The following UBIAD1 variants were observed in gnomAD, a reference collection of about 807,000 sequenced individuals.
UBIAD1 encodes UbiA prenyltransferase domain containing 1.
Under a neutral mutation model 20.1 loss-of-function variants are expected in UBIAD1, and 12 were observed. The ratio of observed to expected loss-of-function variants is 0.60; its 90% CI spans 0.38 to 0.97. The LOEUF is 0.97. UBIAD1 is among the 50% of genes least tolerant of loss of function. The probability of loss-of-function intolerance (pLI) is 0.00; values close to 1 mark genes in which losing one functional copy is unlikely to be tolerated. For missense variants in UBIAD1, 333 were observed against 419.5 expected, an observed-to-expected ratio of 0.79 and a Z score of 1.80; for synonymous variants, 207 against 189.2, an observed-to-expected ratio of 1.09 and a Z score of -0.77.
Position 11,273,302 on chromosome 1 carries a change from C to T in UBIAD1, c.-230C>T. On this transcript the variant is annotated 5_prime_UTR_variant, in exon 1 of 2. Transcript: ENST00000376810. The surrounding 1 kb of genome is among the most constrained non-coding windows in gnomAD (Gnocchi z 4.9). ...TGGGCTCTAACGCGGGGCTGGGGGCCGGAGACAGACTTCGCCCAGGTGACG... is the reference window on the plus strand; with the variant it reads ...TGGGCTCTAACGCGGGGCTGGGGGCTGGAGACAGACTTCGCCCAGGTGACG... 1 of 584,782 alleles carries T rather than the reference C, an allele frequency of 1.7e-6. No individual in the cohort carries two copies. 36.2% of individuals were successfully genotyped at this position (584,782 alleles called of 1,614,324 possible).
downstream of UBIAD1, among the ~76,000 whole-genome samples, chr1:11,288,978 G>T (rs1247631694): frequency 6.6e-6 from 1 of 151,996 alleles, no homozygotes; most frequent in African/African-American, 2.4e-5. Flanking sequence ...CCAAGAGCCA[G>T]TCAGCAGTCA....
chr1:11,295,994 T>C (rs893631131), downstream of UBIAD1: 3 of 152,190 alleles, frequency 2.0e-5, no homozygotes, highest in Admixed American at 1.3e-4. Context: ...ATAAAGGCTG[T>C]GGGGAAATGA....
chr1:11,278,633 TC>T, intron 1 of UBIAD1: 1 of 1,469,850 alleles, frequency 6.8e-7, no homozygotes, highest in East Asian at 2.5e-5. Flanking sequence ...TGTTTGTCCT[TC>T]CAGTGGCTGT....
At position 11,278,703 on chromosome 1, in the gene UBIAD1, T is replaced by A. The variant is rs1569893986; in HGVS notation, c.529+4643T>A. On this transcript the variant is annotated intron_variant, in intron 1 of 1. Coordinates refer to ENST00000376810, the MANE Select transcript of UBIAD1 (RefSeq NM_013319.3). Reference sequence around the variant, plus strand: ...CGTCTTAGCTCCTGAAGTACAACTTTAATGCTATATGAATTTTGTCATTTT... The same window carrying A: ...CGTCTTAGCTCCTGAAGTACAACTTAAATGCTATATGAATTTTGTCATTTT... 9.5e-6 allele frequency: 11 copies of A among 1,155,576 alleles called. No homozygotes were observed. The East Asian group carries it at 2.9e-4, about 31-fold the overall frequency. 71.6% of individuals were successfully genotyped at this position (1,155,576 alleles called of 1,614,324 possible).
At position 11,285,940 on chromosome 1, in the gene UBIAD1, G is replaced by A. The variant is rs1638255624; in HGVS notation, c.826G>A (p.Ala276Thr). Reference sequence around the variant, plus strand: ...GCCCTACCTGGTCTTCAGCATCCTGGCCACACACTGCACCATCAGCCTGGC... The same window carrying A: ...GCCCTACCTGGTCTTCAGCATCCTGACCACACACTGCACCATCAGCCTGGC... ...FLPYLVFSIL[A>T]THCTISLALP... The change falls in exon 2 of 2, where the codon GCC (alanine) becomes ACC (threonine). Residue 276 changes from alanine to threonine, a missense_variant. Transcript: ENST00000376810. The surrounding 1 kb of genome is among the most constrained non-coding windows in gnomAD (Gnocchi z 4.4). The A allele has an allele frequency of 1.2e-6, 2 of 1,614,122 alleles. No homozygotes were observed. The highest frequency in any genetic ancestry group is 1.7e-6 in the Non-Finnish European group (2 of 1,180,014).
rs1407863994 is a variant in UBIAD1 at position 11,285,419 on chromosome 1, T to C, written c.530-225T>C. Among the ~76,000 whole-genome samples the C allele has an allele frequency of 6.6e-6, 1 of 152,186 alleles. No homozygotes were observed. Among genetic ancestry groups the C allele is most frequent in the African/African-American group, 2.4e-5 (1 of 41,444 alleles). On this transcript the variant is annotated intron_variant, in intron 1 of 1. Transcript: ENST00000376810. The surrounding 1 kb of genome is among the most constrained non-coding windows in gnomAD (Gnocchi z 4.4). Reference sequence around the variant, plus strand: ...AGGAAGGGAAACTTGGGTATGAACCTGGGAAGAGGGACTTGAGGCCTCACT... The same window carrying C: ...AGGAAGGGAAACTTGGGTATGAACCCGGGAAGAGGGACTTGAGGCCTCACT...
Position 11,280,481 on chromosome 1 carries a change from T to C in UBIAD1, c.530-5163T>C, listed in dbSNP as rs374938267. ...CTTAAACTCCAGACTCATATCCAAC[T>C]TCTTGCTCAGCAACTTCTCCTAGAA... On this transcript the variant is annotated intron_variant, in intron 1 of 1. Transcript: ENST00000376810. Among the ~76,000 whole-genome samples the C allele has an allele frequency of 1.1e-4, 16 of 152,314 alleles. No homozygotes were observed. The East Asian group carries it at 3.1e-3, about 29-fold the overall frequency.
chr1:11,296,834 A>G (rs1638456075), downstream of UBIAD1, among the ~76,000 whole-genome samples: 1 of 151,802 alleles, frequency 6.6e-6, no homozygotes. Context: ...TTCCTTTCTT[A>G]TGGATGACTA....
At chr1:11,294,559 A>C (rs1248950736) in intron 1 of UBIAD1, among the ~76,000 whole-genome samples, 1 of 152,140 alleles carries the variant, frequency 6.6e-6, no homozygotes, top group Admixed American at 6.6e-5. Context: ...GGGGCCAGCT[A>C]TAGGCCTACA....
intron 1 of UBIAD1, among the ~76,000 whole-genome samples, chr1:11,283,678 A>G (rs1260007902): frequency 6.6e-6 from 1 of 152,134 alleles, no homozygotes; most frequent in Non-Finnish European, 1.5e-5. Context: ...AAGGGACCCC[A>G]GCTGCTGATG....
At chr1:11,284,158 A>G (rs1431381032) in intron 1 of UBIAD1, among the ~76,000 whole-genome samples, 1 of 152,202 alleles carries the variant, frequency 6.6e-6, no homozygotes. Flanking sequence ...GCATATTGCC[A>G]TGGGAGCATA....
chr1:11,295,228 G>A (rs766721211), downstream of UBIAD1: 28 of 356,004 alleles, frequency 7.9e-5, no homozygotes, highest in Admixed American at 6.4e-4. Flanking sequence ...AATGAGCGGC[G>A]ATCAAGGTTT....
chr1:11,283,854 G>C (rs112342591), intron 1 of UBIAD1, among the ~76,000 whole-genome samples: 2 of 152,268 alleles, frequency 1.3e-5, no homozygotes, highest in African/African-American at 4.8e-5. Context: ...GTTAGAACTG[G>C]AGTTTGCTAA....
chr1:11,277,170 G>A (rs1366752549), intron 1 of UBIAD1, among the ~76,000 whole-genome samples: 2 of 151,934 alleles, frequency 1.3e-5, no homozygotes, highest in African/African-American at 2.4e-5. Flanking sequence ...CTGGGAGGTT[G>A]TAGTGAGCCA....
intron 1 of UBIAD1, among the ~76,000 whole-genome samples, chr1:11,282,963 C>T (rs771094458): frequency 1.8e-4 from 28 of 151,726 alleles, no homozygotes; most frequent in Non-Finnish European, 3.2e-4. Context: ...AGGGTTCAAG[C>T]GGTTCTTCTG....
chr1:11,290,779 G>T (rs1638355690), downstream of UBIAD1, among the ~76,000 whole-genome samples: 1 of 152,144 alleles, frequency 6.6e-6, no homozygotes, highest in Non-Finnish European at 1.5e-5. Flanking sequence ...AGGAATTCAA[G>T]ACCAGCCTGG....
chr1:11,273,788 G>A lies in UBIAD1; in HGVS notation c.257G>A (p.Gly86Asp). 5 of 1,614,142 alleles carry A rather than the reference G, an allele frequency of 3.1e-6. No individual in the cohort carries two copies. The highest frequency in any genetic ancestry group is 4.2e-6 in the Non-Finnish European group (5 of 1,180,040). ...HGVLDPRLLV[G>D]CAVAVLAVHG... ...GTCCTGGATCCCAGGCTCTTGGTGGGTTGTGCCGTGGCTGTCCTGGCTGTG... is the reference window on the plus strand; with the variant it reads ...GTCCTGGATCCCAGGCTCTTGGTGGATTGTGCCGTGGCTGTCCTGGCTGTG... The change falls in exon 1 of 2, where the codon GGT (glycine) becomes GAT (aspartate). Residue 86 changes from glycine to aspartate, a missense_variant. Gly to Asp is a moderately conservative substitution (Grantham distance 94). This residue lies in a region of UBIAD1 where 50 missense variants were observed against 101.2 expected (regional missense o/e 0.49). Coordinates refer to ENST00000376810, the MANE Select transcript of UBIAD1 (RefSeq NM_013319.3). This position sits in a 1 kb window ranked among gnomAD's most constrained non-coding sequence, Gnocchi z 4.9.
chr1:11,290,696 A>G (rs1325530803), downstream of UBIAD1, among the ~76,000 whole-genome samples: 1 of 152,166 alleles, frequency 6.6e-6, no homozygotes, highest in Non-Finnish European at 1.5e-5. Flanking sequence ...TAAAACCACC[A>G]GGCCAGGTGT....
chr1:11,292,594 C>CA (rs1447329445), downstream of UBIAD1, among the ~76,000 whole-genome samples: 1 of 151,862 alleles, frequency 6.6e-6, no homozygotes, highest in Non-Finnish European at 1.5e-5. Context: ...TTCTTGATGT[C>CA]AGACTGTTGA....
Sources: gnomAD v4.1 joint callset for allele counts (sites outside exome capture counted in the v4.1 genomes callset) on GRCh38, gnomAD v4.1.1 for gene constraint, gnomAD v4.1.1 regional missense constraint, Gnocchi (gnomAD v3.1) non-coding constraint, MANE v1.5 for transcripts, NCBI Gene and HGNC (gene_info 2026-07-23, HGNC 2026-07-21) for gene names.